The following CPNE4 variants were observed in gnomAD, a reference collection of about 807,000 sequenced individuals.
CPNE4 encodes copine-4.
CPNE4 carries 25 observed loss-of-function variants against 67.9 expected under a neutral mutation model. The observed-to-expected ratio is 0.37, with a 90% CI of 0.27 to 0.51. The LOEUF is 0.51. Ranked by LOEUF, CPNE4 falls within the 20% of genes least tolerant of loss-of-function variation. CPNE4 has a pLI of 0.93. For missense variants in CPNE4, 464 were observed against 690.8 expected, an observed-to-expected ratio of 0.67 and a Z score of 3.68; for synonymous variants, 242 against 244.9, an observed-to-expected ratio of 0.99 and a Z score of 0.11.
chr3:131,763,833 A>C (rs1362282638), intron 2 of CPNE4, among the ~76,000 whole-genome samples: 1 of 152,196 alleles, frequency 6.6e-6, no homozygotes, highest in Non-Finnish European at 1.5e-5. Flanking sequence ...TGTCTAAAGC[A>C]GAATTTTCTG....
chr3:131,889,453 T>G (rs1347425937), intron 2 of CPNE4, among the ~76,000 whole-genome samples: 1 of 152,228 alleles, frequency 6.6e-6, no homozygotes, highest in Non-Finnish European at 1.5e-5. Context: ...CAAGCCAGGC[T>G]GCTACAACAG....
intron 1 of CPNE4, among the ~76,000 whole-genome samples, chr3:131,983,470 T>C (rs2072962149): frequency 6.6e-6 from 1 of 152,212 alleles, no homozygotes; most frequent in Non-Finnish European, 1.5e-5. Flanking sequence ...AAAAGATCTC[T>C]TTAAAGTGCA....
At chr3:131,786,396 T>C (rs1244642287) in intron 2 of CPNE4, among the ~76,000 whole-genome samples, 4 of 152,280 alleles carry the variant, frequency 2.6e-5, no homozygotes, top group African/African-American at 9.6e-5. Context: ...TCAGACAATA[T>C]GGAAATTCAT....
At chr3:131,987,937 A>G (rs1182639717) in intron 1 of CPNE4, among the ~76,000 whole-genome samples, 1 of 152,186 alleles carries the variant, frequency 6.6e-6, no homozygotes, top group Non-Finnish European at 1.5e-5. Flanking sequence ...GGGCTGTTGA[A>G]TATTAGGTCC....
intron 7 of CPNE4, among the ~76,000 whole-genome samples, chr3:131,644,020 C>T (rs1370821820): frequency 6.6e-6 from 1 of 152,116 alleles, no homozygotes; most frequent in African/African-American, 2.4e-5. Context: ...CATTTAATAG[C>T]CTTTTGTAAT....
intron 2 of CPNE4, among the ~76,000 whole-genome samples, chr3:131,808,200 T>C (rs552565893): frequency 6.6e-6 from 1 of 152,058 alleles, no homozygotes; most frequent in Admixed American, 6.6e-5. Context: ...AATCAGAAAT[T>C]ACAAAACACA....
chr3:131,975,629 A>T (rs1045051186), intron 1 of CPNE4, among the ~76,000 whole-genome samples: 2 of 152,176 alleles, frequency 1.3e-5, no homozygotes, highest in African/African-American at 4.8e-5. Flanking sequence ...TGACATTTAC[A>T]CCTATGGAGG....
chr3:131,665,241 A>G (rs796070744), intron 7 of CPNE4, among the ~76,000 whole-genome samples: 19 of 152,094 alleles, frequency 1.2e-4, no homozygotes, highest in African/African-American at 4.3e-4. Flanking sequence ...AACACTATAG[A>G]ATTTTCTACT....
chr3:131,572,073 A>G (rs1434309062), intron 10 of CPNE4, among the ~76,000 whole-genome samples: 1 of 152,006 alleles, frequency 6.6e-6, no homozygotes, highest in Non-Finnish European at 1.5e-5. Flanking sequence ...CAATTCAGCA[A>G]AAGTATTTTG....
intron 2 of CPNE4, among the ~76,000 whole-genome samples, chr3:131,829,193 C>A (rs775024103): frequency 2.6e-5 from 4 of 152,180 alleles, no homozygotes; most frequent in African/African-American, 7.2e-5. Flanking sequence ...CACCTCCCAT[C>A]GAGTTCCTCC....
rs192780446 is a variant in CPNE4, at chr3:131,964,778, G to C, written c.-1-59334C>G. Among the ~76,000 whole-genome samples the C allele has an allele frequency of 3.0e-3, 450 of 152,172 alleles. 4 individuals are homozygous for C. Among genetic ancestry groups the C allele is most frequent in the Non-Finnish European group, 3.2e-3 (215 of 68,016 alleles). Reference sequence around the variant, plus strand: ...GTATCTGAAAGTGATGAGGAGAATGGAACCAAGTCGGAAAATATACTTCAG... The same window carrying C: ...GTATCTGAAAGTGATGAGGAGAATGCAACCAAGTCGGAAAATATACTTCAG... On this transcript the variant is annotated intron_variant, in intron 1 of 15. Coordinates refer to ENST00000429747, the MANE Select transcript of CPNE4 (RefSeq NM_130808.3).
intron 8 of CPNE4, 45 bp downstream of exon 8, chr3:131,587,439 C>T: frequency 8.4e-7 from 1 of 1,189,084 alleles, no homozygotes; most frequent in Non-Finnish European, 1.3e-6. Context: ...TCTAAGGATG[C>T]ATCATACCGA....
chr3:131,749,596 ATTCT>A (rs759679847), intron 2 of CPNE4, among the ~76,000 whole-genome samples: 1 of 152,042 alleles, frequency 6.6e-6, no homozygotes, highest in African/African-American at 2.4e-5. Context: ...ACTTCTTTCA[ATTCT>A]TTCTGATTTT....
intron 1 of CPNE4, among the ~76,000 whole-genome samples, chr3:131,958,428 T>G (rs374168284): frequency 2.6e-5 from 1 of 37,962 alleles, no homozygotes; most frequent in African/African-American, 5.0e-5. Context: ...ATTTGGAAAC[T>G]GTGACTATGG....
chr3:131,831,025 G>A (rs1357163691), intron 2 of CPNE4, among the ~76,000 whole-genome samples: 3 of 151,970 alleles, frequency 2.0e-5, no homozygotes, highest in East Asian at 3.9e-4. Flanking sequence ...AATTTTACCT[G>A]TAGGACTCCA....
intron 7 of CPNE4, among the ~76,000 whole-genome samples, chr3:131,598,723 G>A (rs372236723): frequency 7.2e-5 from 11 of 151,966 alleles, no homozygotes; most frequent in Non-Finnish European, 1.5e-4. Flanking sequence ...CTTTCCAATG[G>A]CACTTTTTCC....
intron 2 of CPNE4, among the ~76,000 whole-genome samples, chr3:131,794,036 G>T (rs572648039): frequency 6.6e-6 from 1 of 152,228 alleles, no homozygotes; most frequent in East Asian, 1.9e-4. Context: ...AATTCACTGG[G>T]ACAGTGACTG....
chr3:131,875,760 A>G (rs1029675938), intron 2 of CPNE4, among the ~76,000 whole-genome samples: 1 of 152,156 alleles, frequency 6.6e-6, no homozygotes, highest in Non-Finnish European at 1.5e-5. Context: ...GCAGCAGCAC[A>G]CCAACATGGC....
At chr3:131,695,000 TTG>T (rs2081117497) in intron 5 of CPNE4, among the ~76,000 whole-genome samples, 1 of 152,194 alleles carries the variant, frequency 6.6e-6, no homozygotes, top group Non-Finnish European at 1.5e-5. Flanking sequence ...AGCAGTAGTG[TTG>T]TGTCTTTGGG....
Sources: allele counts gnomAD v4.1 joint callset (sites outside exome capture counted in the v4.1 genomes callset), GRCh38; gene constraint gnomAD v4.1.1; transcripts MANE v1.5; gene names NCBI Gene and HGNC (gene_info 2026-07-23, HGNC 2026-07-21).